Variants in LEF1 observed in about 807,000 individuals in gnomAD.
LEF1 encodes lymphoid enhancer-binding factor 1.
Under a neutral mutation model 51.2 loss-of-function variants are expected in LEF1, and 14 were observed. That is an observed-to-expected ratio of 0.27 (90% CI 0.18 to 0.43). The LOEUF is 0.43. Among genes scored for constraint, LEF1 ranks in the 20% least tolerant of loss-of-function variants. The pLI is 1.00. For synonymous variants in LEF1, 185 were observed against 183.2 expected, an observed-to-expected ratio of 1.01 and a Z score of -0.08; for missense variants, 386 against 512.0, an observed-to-expected ratio of 0.75 and a Z score of 2.37.
intron 3 of LEF1, among the ~76,000 whole-genome samples, chr4:108,104,476 A>G (rs1453265407): frequency 6.8e-6 from 1 of 147,640 alleles, no homozygotes; most frequent in African/African-American, 2.5e-5. Context: ...ATATATATAA[A>G]ATATATATAT....
chr4:108,165,036 T>C lies in LEF1; in HGVS notation c.280+61A>G, dbSNP rs192233733. 91 of 1,440,228 alleles carry C rather than the reference T, an allele frequency of 6.3e-5. No homozygotes were observed. The African/African-American group carries it at 1.1e-3, about 18-fold the overall frequency. 89.2% of individuals were successfully genotyped at this position (1,440,228 alleles called of 1,614,324 possible). ...GAACTCAAAAGTAACAAAACACACCTATTTATACAAATTGCACCCCTTATC... is the reference window on the plus strand; with the variant it reads ...GAACTCAAAAGTAACAAAACACACCCATTTATACAAATTGCACCCCTTATC... On this transcript the variant is annotated intron_variant, in intron 2 of 11. Coordinates refer to ENST00000265165, the MANE Select transcript of LEF1 (RefSeq NM_016269.5).
intron 3 of LEF1, among the ~76,000 whole-genome samples, chr4:108,148,418 G>A (rs1191204631): frequency 6.6e-6 from 1 of 152,146 alleles, no homozygotes; most frequent in East Asian, 1.9e-4. Flanking sequence ...AGAATGAATA[G>A]TACATATAAA....
In LEF1 at chr4:108,079,493, C is replaced by T. The variant is rs151041212; in HGVS notation, c.844G>A (p.Val282Met). 740 of 1,614,072 alleles carry T rather than the reference C, an allele frequency of 4.6e-4. 8 individuals carry two copies. Among genetic ancestry groups the T allele is most frequent in the South Asian group, 2.9e-3 (263 of 91,072 alleles). Reference sequence around the variant, plus strand: ...AGCAGAGCCCGGGTGGATACTTACACGTGCATTAGGTCACTGTCAGTGTGG... The same window carrying T: ...AGCAGAGCCCGGGTGGATACTTACATGTGCATTAGGTCACTGTCAGTGTGG... Reference protein sequence around the residue: ...HPHTDSDLMHVKPQHEQRKEQ... With the variant: ...HPHTDSDLMHMKPQHEQRKEQ... Residue 282 changes from valine to methionine, a missense_variant and splice_region_variant, in exon 7 of 12, where the codon GTG (valine) becomes ATG (methionine). Coordinates refer to ENST00000265165, the MANE Select transcript of LEF1 (RefSeq NM_016269.5).
At chr4:108,104,521 C>A (rs1437433482) in intron 3 of LEF1, among the ~76,000 whole-genome samples, 1 of 148,354 alleles carries the variant, frequency 6.7e-6, no homozygotes, top group Non-Finnish European at 1.5e-5. Context: ...CATATTATAT[C>A]TCTGAACATT....
intron 3 of LEF1, among the ~76,000 whole-genome samples, chr4:108,143,898 G>C (rs1743833319): frequency 6.6e-6 from 1 of 152,154 alleles, no homozygotes; most frequent in Non-Finnish European, 1.5e-5. Flanking sequence ...GAGAATGGAG[G>C]TGACAACACT....
chr4:108,083,547 G>GA (rs1278978970), intron 4 of LEF1, 101 bp from the exon 5 acceptor site: 14 of 686,476 alleles, frequency 2.0e-5, no homozygotes, highest in Non-Finnish European at 3.1e-5. Flanking sequence ...GGTTCAGAAT[G>GA]AAACAATATT....
intron 1 of LEF1, chr4:108,166,193 T>C: frequency 6.9e-7 from 1 of 1,446,850 alleles, no homozygotes; most frequent in Non-Finnish European, 9.2e-7. Flanking sequence ...CCCAGCCCGC[T>C]CAAACTGGAT....
chr4:108,091,779 G>T (rs1740043430), intron 3 of LEF1, among the ~76,000 whole-genome samples: 1 of 152,108 alleles, frequency 6.6e-6, no homozygotes, highest in African/African-American at 2.4e-5. Context: ...AAGTGGGGGT[G>T]GGTAGATGTG....
chr4:108,052,489 A>G (rs1029122658), intron 11 of LEF1, among the ~76,000 whole-genome samples: 1 of 152,114 alleles, frequency 6.6e-6, no homozygotes, highest in Admixed American at 6.5e-5. Context: ...GCATCACACC[A>G]CACACCTCAT....
At chr4:108,138,078 A>G (rs906029290) in intron 3 of LEF1, among the ~76,000 whole-genome samples, 1 of 152,110 alleles carries the variant, frequency 6.6e-6, no homozygotes, top group Non-Finnish European at 1.5e-5. Context: ...AAAATCTCCT[A>G]TTTTTGCTTC....
intron 2 of LEF1, among the ~76,000 whole-genome samples, chr4:108,164,595 C>T (rs1314888513): frequency 6.6e-6 from 1 of 152,164 alleles, no homozygotes; most frequent in South Asian, 2.1e-4. Context: ...CTGATATGCA[C>T]ATTCCTAATT....
chr4:108,160,896 C>T (rs906043827), intron 3 of LEF1, among the ~76,000 whole-genome samples: 1 of 152,034 alleles, frequency 6.6e-6, no homozygotes, highest in Non-Finnish European at 1.5e-5. Context: ...TGGTCAGGTC[C>T]CTCCCCCACC....
intron 3 of LEF1, among the ~76,000 whole-genome samples, chr4:108,124,249 A>G (rs1485755373): frequency 6.6e-6 from 1 of 152,226 alleles, no homozygotes; most frequent in Non-Finnish European, 1.5e-5. Flanking sequence ...GAAACCCACA[A>G]AGCCAGATAT....
intron 3 of LEF1, among the ~76,000 whole-genome samples, chr4:108,141,014 C>G (rs970583318): frequency 2.0e-4 from 31 of 152,160 alleles, no homozygotes; most frequent in Non-Finnish European, 5.9e-5. Context: ...TATTCTTGAA[C>G]CAGAAGATGT....
At chr4:108,103,968 A>C (rs982099052) in intron 3 of LEF1, among the ~76,000 whole-genome samples, 2 of 152,230 alleles carry the variant, frequency 1.3e-5, no homozygotes, top group Non-Finnish European at 2.9e-5. Context: ...CACATATACA[A>C]ATGTTAACAA....
In LEF1 at chr4:108,167,160, C is replaced by G. The variant is rs1209418607; in HGVS notation, c.213+395G>C. On this transcript the variant is annotated intron_variant, in intron 1 of 11. Transcript: ENST00000265165. This position sits in a 1 kb window ranked among gnomAD's most constrained non-coding sequence, Gnocchi z 5.7. ...AGAGATAGCGTGTGCACTTTGTTTT[C>G]CGTCCCACGGAAGAATTTATCAGTA... Among the ~76,000 whole-genome samples the G allele has an allele frequency of 6.6e-6, 1 of 152,176 alleles. No individual in the cohort carries two copies. The highest frequency in any genetic ancestry group is 1.5e-5 in the Non-Finnish European group (1 of 68,028).
rs1279511262 is a variant in LEF1, at chr4:108,154,231, A to G, written c.414+9337T>C. The stretch of plus-strand genomic sequence containing the variant: ...AATTTAATAAGTACTTTGTATTCTT[A>G]AAGGTAAATATGGCTATTTTAAATG... On this transcript the variant is annotated intron_variant, in intron 3 of 11. Coordinates refer to ENST00000265165, the MANE Select transcript of LEF1 (RefSeq NM_016269.5). Among the ~76,000 whole-genome samples the G allele has an allele frequency of 2.0e-5, 3 of 152,110 alleles. No homozygotes were observed. The East Asian group carries it at 5.8e-4, about 29-fold the overall frequency.
chr4:108,120,056 G>A (rs1205580698), intron 3 of LEF1, among the ~76,000 whole-genome samples: 1 of 151,006 alleles, frequency 6.6e-6, no homozygotes, highest in Non-Finnish European at 1.5e-5. Context: ...TTTAAAAGAA[G>A]GGTCTCACTC....
intron 8 of LEF1, chr4:108,071,936 T>C (rs376215249): frequency 1.4e-4 from 21 of 152,374 alleles, no homozygotes; most frequent in African/African-American, 4.3e-4. Context: ...ATAACACACA[T>C]GCTCCTCTGT....
Sources: gnomAD v4.1 joint callset for allele counts (sites outside exome capture counted in the v4.1 genomes callset) on GRCh38, gnomAD v4.1.1 for gene constraint, Gnocchi (gnomAD v3.1) non-coding constraint, MANE v1.5 for transcripts, NCBI Gene and HGNC (gene_info 2026-07-23, HGNC 2026-07-21) for gene names.